Variants in FHIT observed in about 807,000 individuals in gnomAD.
FHIT encodes fragile histidine triad diadenosine triphosphatase.
FHIT carries 19 observed loss-of-function variants against 17.9 expected under a neutral mutation model. The observed-to-expected ratio is 1.06, with a 90% confidence interval of 0.74 to 1.56. The LOEUF is 1.56. Among genes scored for constraint, FHIT ranks in the 40% most tolerant of loss-of-function variants. FHIT has a pLI of 0.00. For missense variants in FHIT, 248 were observed against 189.2 expected (o/e 1.31, Z -1.82); for synonymous variants, 81 against 69.7 (o/e 1.16, Z -0.81).
intron 3 of FHIT, among the ~76,000 whole-genome samples, chr3:60,887,389 A>G (rs1705273845): frequency 6.6e-6 from 1 of 152,214 alleles, no homozygotes; most frequent in African/African-American, 2.4e-5. Flanking sequence ...TTACGCCTGT[A>G]ATCCCAGCAC....
At chr3:61,159,866 C>A (rs780612047) in intron 2 of FHIT, among the ~76,000 whole-genome samples, 5 of 152,148 alleles carry the variant, frequency 3.3e-5, no homozygotes, top group Non-Finnish European at 7.3e-5. Flanking sequence ...TCATCAGCCC[C>A]CTGAAATCAT....
intron 3 of FHIT, among the ~76,000 whole-genome samples, chr3:60,846,034 T>TA (rs1307636736): frequency 6.6e-6 from 1 of 152,186 alleles, no homozygotes; most frequent in Non-Finnish European, 1.5e-5. Context: ...CATAAGCACT[T>TA]ACGGCTTTAT....
At chr3:60,509,559 T>C (rs559914534) in intron 5 of FHIT, among the ~76,000 whole-genome samples, 2 of 152,018 alleles carry the variant, frequency 1.3e-5, no homozygotes, top group African/African-American at 2.4e-5. Context: ...CCAGTAACAT[T>C]TGTTTATTGC....
intron 3 of FHIT, among the ~76,000 whole-genome samples, chr3:60,879,043 T>C (rs1704827851): frequency 6.6e-6 from 1 of 152,214 alleles, no homozygotes; most frequent in South Asian, 2.1e-4. Context: ...TTTCTAACTC[T>C]AGATCCCTGA....
rs566258173 is a variant in FHIT at position 59,773,721 on chromosome 3, A to G, written c.349-21400T>C. Among the ~76,000 whole-genome samples the G allele has an allele frequency of 5.9e-5, 9 of 152,174 alleles. No individual in the cohort carries two copies. The South Asian group carries it at 1.7e-3, about 28-fold the overall frequency. ...TTGATGTCCCGGGTGTGGACTGCAG[A>G]CCAACATCACCTGGCGGCTTGTTAG... On this transcript the variant is annotated intron_variant, in intron 8 of 9. Transcript: ENST00000492590.
At chr3:60,084,560 A>G (rs1420958547) in intron 5 of FHIT, among the ~76,000 whole-genome samples, 1 of 152,182 alleles carries the variant, frequency 6.6e-6, no homozygotes, top group Non-Finnish European at 1.5e-5. Flanking sequence ...ATGGCATCAC[A>G]TTTCTTTATT....
At chr3:59,844,377 T>C (rs560907622) in intron 8 of FHIT, among the ~76,000 whole-genome samples, 8 of 152,298 alleles carry the variant, frequency 5.3e-5, no homozygotes, top group South Asian at 4.1e-4. Context: ...TTCTTGATCA[T>C]AGAGGCAAAT....
At chr3:60,718,262 T>C (rs1028415329) in intron 4 of FHIT, among the ~76,000 whole-genome samples, 1 of 152,234 alleles carries the variant, frequency 6.6e-6, no homozygotes, top group Admixed American at 6.5e-5. Context: ...CGAAGTTTCA[T>C]GTTATGCACT....
intron 3 of FHIT, among the ~76,000 whole-genome samples, chr3:60,981,759 C>A (rs987834311): frequency 2.3e-5 from 3 of 129,354 alleles, no homozygotes; most frequent in Admixed American, 8.4e-5. Flanking sequence ...CAGGTGTACA[C>A]CACCATGTCT....
chr3:59,857,508 C>G (rs939832161), intron 8 of FHIT, among the ~76,000 whole-genome samples: 1 of 147,000 alleles, frequency 6.8e-6, no homozygotes, highest in Non-Finnish European at 1.5e-5. Flanking sequence ...CCAATAATCT[C>G]TTTCATATTT....
chr3:60,569,837 C>T (rs541620872), intron 4 of FHIT, among the ~76,000 whole-genome samples: 9 of 146,022 alleles, frequency 6.2e-5, no homozygotes, highest in South Asian at 4.4e-4. Context: ...CTGCAACCTT[C>T]GCCTCACAGG....
chr3:60,651,803 T>G (rs150467536), intron 4 of FHIT, among the ~76,000 whole-genome samples: 1 of 152,334 alleles, frequency 6.6e-6, no homozygotes, highest in African/African-American at 2.4e-5. Context: ...ACATGGTATT[T>G]CTTTGACATG....
At chr3:60,374,239 G>A (rs558957206) in intron 5 of FHIT, among the ~76,000 whole-genome samples, 2 of 152,152 alleles carry the variant, frequency 1.3e-5, no homozygotes, top group African/African-American at 4.8e-5. Context: ...ATTCTTTCCT[G>A]ATCATTTTAA....
intron 5 of FHIT, among the ~76,000 whole-genome samples, chr3:60,293,709 T>G (rs1432582979): frequency 2.0e-5 from 3 of 152,056 alleles, no homozygotes; most frequent in Non-Finnish European, 2.9e-5. Context: ...CTCCGAGGAT[T>G]TAGGGAAAAT....
intron 4 of FHIT, among the ~76,000 whole-genome samples, chr3:60,696,281 A>G (rs2041112768): frequency 6.6e-6 from 1 of 152,156 alleles, no homozygotes; most frequent in African/African-American, 2.4e-5. Context: ...TCTAGAAAGG[A>G]AGTTCTCCAT....
At chr3:60,220,453 A>C (rs1703911411) in intron 5 of FHIT, among the ~76,000 whole-genome samples, 1 of 152,154 alleles carries the variant, frequency 6.6e-6, no homozygotes, top group South Asian at 2.1e-4. Flanking sequence ...AAAAAAATAA[A>C]TCAACTGACA....
chr3:60,286,716 T>C (rs186744066), intron 5 of FHIT, among the ~76,000 whole-genome samples: 1 of 152,316 alleles, frequency 6.6e-6, no homozygotes, highest in East Asian at 1.9e-4. Flanking sequence ...ATTTAAATTG[T>C]TTTTGTATCA....
chr3:60,100,968 G>T (rs79831548), intron 5 of FHIT, among the ~76,000 whole-genome samples: 1,996 of 152,284 alleles, frequency 0.013, 35 homozygotes, highest in African/African-American at 0.045. Context: ...CCAGGAACAT[G>T]TAACAGCTCT....
rs73836107 is a variant in FHIT at position 60,749,468 on chromosome 3, T to C, written c.-18+72451A>G. 1.8e-3 allele frequency among the ~76,000 whole-genome samples: 273 copies of C among 152,120 alleles called. 1 individual carries two copies. Among genetic ancestry groups the C allele is most frequent in the African/African-American group, 6.4e-3 (265 of 41,480 alleles). On this transcript the variant is annotated intron_variant, in intron 4 of 9. Coordinates refer to ENST00000492590, the MANE Select transcript of FHIT (RefSeq NM_002012.4). Reference sequence around the variant, plus strand: ...GTCTGGGATGGAGGGAAAGGGTGGATTCAAGCCCTACTGTGAGAGAAGACA... The same window carrying C: ...GTCTGGGATGGAGGGAAAGGGTGGACTCAAGCCCTACTGTGAGAGAAGACA...
Sources: gnomAD v4.1 joint callset for allele counts (sites outside exome capture counted in the v4.1 genomes callset) on GRCh38, gnomAD v4.1.1 for gene constraint, MANE v1.5 for transcripts, NCBI Gene and HGNC (gene_info 2026-07-23, HGNC 2026-07-21) for gene names.